Variants in AKAP12 observed in about 807,000 individuals in gnomAD.
The protein encoded by AKAP12 is A-kinase anchoring protein 12.
AKAP12 carries 32 observed loss-of-function variants against 79.9 expected under a neutral mutation model. That is an observed-to-expected ratio of 0.40 (90% CI 0.30 to 0.54). AKAP12 has a LOEUF of 0.54. Among genes scored for constraint, AKAP12 ranks in the 20% least tolerant of loss-of-function variants. The pLI is 0.48. For synonymous variants in AKAP12, 808 were observed against 857.0 expected, an observed-to-expected ratio of 0.94 and a Z score of 1.00; for missense variants, 2,074 against 2,177.0, an observed-to-expected ratio of 0.95 and a Z score of 0.94.
In AKAP12 at chr6:151,358,227, T is replaced by C. The variant is rs1376229928; in HGVS notation, c.*2513T>C. On this transcript the variant is annotated 3_prime_UTR_variant, in exon 5 of 5. Transcript: ENST00000402676. ...GCCTACATTTTGTTATTTTTGGCAT[T>C]ACTACAGAGCCATGTACAATAGAAA... 1 of 152,250 alleles carries C rather than the reference T, an allele frequency of 6.6e-6. No individual in the cohort carries two copies. The highest frequency in any genetic ancestry group is 6.5e-5 in the Admixed American group (1 of 15,286). The allele number at this position is 152,250 out of a possible 1,614,324, so 9.4% of individuals were successfully genotyped here.
At chr6:151,305,653 C>T in intron 2 of AKAP12, 94 bp from the exon 3 acceptor site, 1 of 1,252,740 alleles carries the variant, frequency 8.0e-7, no homozygotes, top group South Asian at 1.5e-5. Context: ...TGTATTTCTT[C>T]TTTCACTGGT....
In AKAP12 at chr6:151,240,816, A is replaced by C. The variant is rs190713306; in HGVS notation, c.162+92A>C. The C allele has an allele frequency of 1.5e-3, 1,455 of 997,406 alleles. 24 individuals are homozygous for C. The African/African-American group carries it at 0.022, about 15-fold the overall frequency. 61.8% of individuals were successfully genotyped at this position (997,406 alleles called of 1,614,324 possible). A position where few individuals can be genotyped will look rare whatever the true frequency, so the allele number is the denominator to read the frequency against. On this transcript the variant is annotated intron_variant, in intron 2 of 4. Transcript: ENST00000402676. ...GGGTCCCTCCGATTTCCGCCGAGAG[A>C]ACTTCCCAGCCCATCCAGCCGCATC...
chr6:151,348,896 G>C lies in AKAP12; in HGVS notation c.505G>C (p.Asp169His), dbSNP rs765014160. The C allele has an allele frequency of 6.2e-7, 1 of 1,614,100 alleles. No individual in the cohort carries two copies. Among genetic ancestry groups the C allele is most frequent in the Non-Finnish European group, 8.5e-7 (1 of 1,180,020 alleles). The change falls in exon 4 of 5, where the codon GAT (aspartate) becomes CAT (histidine). Residue 169 changes from aspartate (D) to histidine (H), a missense_variant. Asp to His is a moderately conservative substitution (Grantham distance 81). Coordinates refer to ENST00000402676, the MANE Select transcript of AKAP12 (RefSeq NM_005100.4). Reference sequence around the variant, plus strand: ...ACAACCCACTGAGTCCCAGGCTAATGATATTGGATTTAAGAAGGTGTTTAA... The same window carrying C: ...ACAACCCACTGAGTCCCAGGCTAATCATATTGGATTTAAGAAGGTGTTTAA... ...LTQPTESQANDIGFKKVFKFV... is the reference protein window; with the variant it reads ...LTQPTESQANHIGFKKVFKFV...
chr6:151,251,716 G>T (rs775571395), intron 2 of AKAP12, among the ~76,000 whole-genome samples: 4 of 152,204 alleles, frequency 2.6e-5, no homozygotes, highest in Admixed American at 6.5e-5. Context: ...CAGAGGTTTG[G>T]CCGGGCACAG....
intron 2 of AKAP12, among the ~76,000 whole-genome samples, chr6:151,261,910 G>A (rs895015839): frequency 3.3e-5 from 5 of 151,860 alleles, no homozygotes; most frequent in African/African-American, 1.2e-4. Flanking sequence ...CAAAGTAATA[G>A]CAAATGAATG....
At chr6:151,318,016 G>A (rs1777274409) in intron 3 of AKAP12, among the ~76,000 whole-genome samples, 1 of 152,238 alleles carries the variant, frequency 6.6e-6, no homozygotes, top group Non-Finnish European at 1.5e-5. Context: ...TGTAAGCTTA[G>A]CATTATGGAC....
intron 3 of AKAP12, among the ~76,000 whole-genome samples, chr6:151,328,420 C>T (rs1317272703): frequency 6.6e-6 from 1 of 151,122 alleles, no homozygotes; most frequent in Non-Finnish European, 1.5e-5. Context: ...GGGCGGATCA[C>T]GAGGTCAGGA....
chr6:151,325,538 C>A, intron 3 of AKAP12: 2 of 1,241,372 alleles, frequency 1.6e-6, no homozygotes, highest in South Asian at 2.0e-5. Context: ...CTTGTGCGGC[C>A]CGGGCGGGGA....
Position 151,259,509 on chromosome 6 carries a change from T to TACACAC in AKAP12, c.162+18786_162+18787insCACACA, listed in dbSNP as rs1292268852. The stretch of plus-strand genomic sequence containing the variant: ...ACACACACATATACATGTATATATA[T>TACACAC]ATACACACACACACACACACACACA... On this transcript the variant is annotated intron_variant, in intron 2 of 4. Transcript: ENST00000402676. 7.5e-3 allele frequency among the ~76,000 whole-genome samples: 694 copies of TACACAC among 92,062 alleles called. 5 individuals carry two copies. Among genetic ancestry groups the TACACAC allele is most frequent in the African/African-American group, 0.024 (603 of 25,174 alleles). 60.4% of individuals were successfully genotyped at this position (92,062 alleles called of 152,430 possible). A position where few individuals can be genotyped will look rare whatever the true frequency, so the allele number is the denominator to read the frequency against.
chr6:151,271,568 C>T (rs997082885), intron 2 of AKAP12, among the ~76,000 whole-genome samples: 1 of 152,050 alleles, frequency 6.6e-6, no homozygotes, highest in Non-Finnish European at 1.5e-5. Flanking sequence ...GCAATCCGCC[C>T]ACCTCGGCCT....
At chr6:151,322,091 G>T (rs1030776768) in intron 3 of AKAP12, among the ~76,000 whole-genome samples, 8 of 151,646 alleles carry the variant, frequency 5.3e-5, no homozygotes, top group Admixed American at 3.9e-4. Context: ...TGTATTTTTA[G>T]TAGAGACGGG....
rs764498665 is a variant in AKAP12, at chr6:151,348,843, C to T, written c.452C>T (p.Ser151Phe). ...ETPEIIEQIP[S>F]SESNLEELTQ... is the part of the protein sequence containing the mutation. ...CCCGAAATAATCGAACAGATTCCTTCTTCAGAAAGCAATTTAGAAGAGCTA... is the reference window on the plus strand; with the variant it reads ...CCCGAAATAATCGAACAGATTCCTTTTTCAGAAAGCAATTTAGAAGAGCTA... The change falls in exon 4 of 5, where the codon TCT (serine) becomes TTT (phenylalanine). Residue 151 changes from serine to phenylalanine, a missense_variant. Around this residue, in one of 3 missense-constraint regions of AKAP12, gnomAD observed 1,428 missense variants for 1,451.0 expected, o/e 0.98. Coordinates refer to ENST00000402676, the MANE Select transcript of AKAP12 (RefSeq NM_005100.4). 1 of 1,614,124 alleles carries T rather than the reference C, an allele frequency of 6.2e-7. No homozygotes were observed. Among genetic ancestry groups the T allele is most frequent in the South Asian group, 1.1e-5 (1 of 91,074 alleles).
At chr6:151,271,445 C>T (rs569586876) in intron 2 of AKAP12, among the ~76,000 whole-genome samples, 7 of 151,868 alleles carry the variant, frequency 4.6e-5, no homozygotes, top group South Asian at 2.1e-4. Context: ...CCTCAGCCTC[C>T]GGAGTAGCTG....
chr6:151,314,731 G>A, intron 3 of AKAP12, among the ~76,000 whole-genome samples: 1 of 152,202 alleles, frequency 6.6e-6, no homozygotes, highest in Non-Finnish European at 1.5e-5. Context: ...AAGTCAGCCT[G>A]TAGGCTTGCC....
chr6:151,267,898 C>G (rs1307250204), intron 2 of AKAP12, among the ~76,000 whole-genome samples: 1 of 152,170 alleles, frequency 6.6e-6, no homozygotes, highest in Admixed American at 6.5e-5. Flanking sequence ...CATCGTTCCT[C>G]AGGCACCCAA....
chr6:151,269,675 T>C (rs759861355), intron 2 of AKAP12, among the ~76,000 whole-genome samples: 25 of 152,234 alleles, frequency 1.6e-4, no homozygotes, highest in Non-Finnish European at 2.4e-4. Context: ...ATTTTCCTAG[T>C]CTCAATTGCT....
chr6:151,353,620 A>G lies in AKAP12; in HGVS notation c.5229A>G (p.Glu1743=). ...AAAAAGAGAAGGAGGATGCCCAGGAAGTAGAATTGCAGGAAGGAAAAGTGC... is the reference window on the plus strand; with the variant it reads ...AAAAAGAGAAGGAGGATGCCCAGGAGGTAGAATTGCAGGAAGGAAAAGTGC... ...PKQKEKEDAQ[E]VELQEGKVHS... The change falls in exon 4 of 5, where the codon GAA becomes GAG. Residue 1743 remains glutamate, a synonymous_variant. Coordinates refer to ENST00000402676, the MANE Select transcript of AKAP12 (RefSeq NM_005100.4). 6.2e-7 allele frequency: 1 copy of G among 1,614,178 alleles called. No individual in the cohort carries two copies.
chr6:151,303,631 A>G (rs1285387560), intron 2 of AKAP12, among the ~76,000 whole-genome samples: 2 of 152,216 alleles, frequency 1.3e-5, no homozygotes, highest in Non-Finnish European at 2.9e-5. Context: ...TGGAAGCAGG[A>G]TGGAATGATG....
In AKAP12 at chr6:151,323,773, AG is replaced by A. The variant is rs1051416078; in HGVS notation, c.319+17871del. 1.2e-4 allele frequency: 114 copies of A among 985,380 alleles called. No individual in the cohort carries two copies. In the Middle Eastern group the frequency reaches 1.6e-3, roughly 14 times the overall value. 61.0% of individuals were successfully genotyped at this position (985,380 alleles called of 1,614,324 possible). On this transcript the variant is annotated intron_variant, in intron 3 of 4. Coordinates refer to ENST00000402676, the MANE Select transcript of AKAP12 (RefSeq NM_005100.4). ...TCCCAGTGTTAGAATTTGGACTGAT[AG>A]AAAGGAGAGGAGCTGGAGATTCATT...
Sources: gnomAD v4.1 joint callset for allele counts (sites outside exome capture counted in the v4.1 genomes callset) on GRCh38, gnomAD v4.1.1 for gene constraint, gnomAD v4.1.1 regional missense constraint, MANE v1.5 for transcripts, NCBI Gene and HGNC (gene_info 2026-07-23, HGNC 2026-07-21) for gene names.